The following DENND4C variants were observed in gnomAD, a reference collection of about 807,000 sequenced individuals.
The protein encoded by DENND4C is DENN domain-containing protein 4C.
DENND4C carries 108 observed loss-of-function variants against 203.0 expected under a neutral mutation model. The observed-to-expected ratio is 0.53, with a 90% CI of 0.46 to 0.62. DENND4C has a LOEUF of 0.62. Among genes scored for constraint, DENND4C ranks in the 20% least tolerant of loss-of-function variants. DENND4C has a pLI of 0.00. For missense variants in DENND4C, 2,481 were observed against 2,301.2 expected (o/e 1.08, Z -1.60); for synonymous variants, 871 against 792.4 (o/e 1.10, Z -1.67).
intron 13 of DENND4C, 128 bp from the exon 14 acceptor site, chr9:19,325,811 C>A: frequency 1.2e-6 from 1 of 824,238 alleles, no homozygotes; most frequent in Non-Finnish European, 1.9e-6. Context: ...TAAAAATATA[C>A]TGTGCATGTT....
At chr9:19,238,171 C>G (rs1822513147) in intron 1 of DENND4C, among the ~76,000 whole-genome samples, 1 of 151,280 alleles carries the variant, frequency 6.6e-6, no homozygotes, top group South Asian at 2.1e-4. Flanking sequence ...CAACCTGTGC[C>G]TCCTGGATTC....
intron 1 of DENND4C, among the ~76,000 whole-genome samples, chr9:19,257,274 T>C (rs1828219347): frequency 6.6e-6 from 1 of 150,816 alleles, no homozygotes; most frequent in African/African-American, 2.4e-5. Context: ...GAGAATCGCT[T>C]AAACCCAGGA....
chr9:19,345,742 G>A (rs1822739791), intron 22 of DENND4C, among the ~76,000 whole-genome samples, 179 bp from the exon 23 acceptor site: 1 of 152,030 alleles, frequency 6.6e-6, no homozygotes, highest in Non-Finnish European at 1.5e-5. Flanking sequence ...TCCCTGGGAG[G>A]CAAGTTTTAA....
intron 23 of DENND4C, among the ~76,000 whole-genome samples, chr9:19,348,433 G>GAAAA (rs1456914182): frequency 6.6e-6 from 1 of 152,130 alleles, no homozygotes; most frequent in Non-Finnish European, 1.5e-5. Flanking sequence ...AGGATTTGAA[G>GAAAA]GATAAATTTG....
Position 19,347,098 on chromosome 9 carries a change from T to C in DENND4C, c.4317+12T>C. Reference sequence around the variant, plus strand: ...ACTCAGATGATGAGGTAAGAAAGCTTTATGTGTGTAGTCTGTCTGCTATTG... The same window carrying C: ...ACTCAGATGATGAGGTAAGAAAGCTCTATGTGTGTAGTCTGTCTGCTATTG... On this transcript the variant is annotated intron_variant, in intron 23 of 32. Transcript: ENST00000434457. The C allele has an allele frequency of 6.2e-7, 1 of 1,606,198 alleles. No individual in the cohort carries two copies. The highest frequency in any genetic ancestry group is 8.5e-7 in the Non-Finnish European group (1 of 1,174,264).
rs932993247 is a variant in DENND4C at position 19,346,288 on chromosome 9, A to T, written c.3519A>T (p.Arg1173Ser). The T allele has an allele frequency of 6.2e-7, 1 of 1,614,202 alleles. No homozygotes were observed. Among genetic ancestry groups the T allele is most frequent in the East Asian group, 2.2e-5 (1 of 44,882 alleles). Residue 1173 changes from arginine to serine, a missense_variant, in exon 23 of 33, where the codon AGA becomes AGT. This residue lies in a region of DENND4C where 2,289 missense variants were observed against 2,113.3 expected (regional missense o/e 1.08). Transcript: ENST00000434457. ...AAAGCACTTGGAATCCTGAGCACAGATCATCTCCGGTGCCAGAGATGCTTG... is the reference window on the plus strand; with the variant it reads ...AAAGCACTTGGAATCCTGAGCACAGTTCATCTCCGGTGCCAGAGATGCTTG... Reference protein sequence around the residue: ...MSESTWNPEHRSSPVPEMLEE... With the variant: ...MSESTWNPEHSSSPVPEMLEE...
At position 19,341,086 on chromosome 9, in the gene DENND4C, G is replaced by C. The variant is rs757992078; in HGVS notation, c.2976G>C (p.Leu992Phe). The change falls in exon 21 of 33, where the codon TTG becomes TTC. Residue 992 changes from leucine to phenylalanine, a missense_variant. Coordinates refer to ENST00000434457, the MANE Select transcript of DENND4C (RefSeq NM_001330640.2). ...CTGAAGAACAGGCAGCAAGAGAATT[G>C]ATAACTAAAACAAAAATGCAAACAG... ...HVPEEQAARELITKTKMQTEE... is the reference protein window; with the variant it reads ...HVPEEQAAREFITKTKMQTEE... 1.2e-6 allele frequency: 2 copies of C among 1,611,902 alleles called. No homozygotes were observed. The highest frequency in any genetic ancestry group is 1.7e-6 in the Non-Finnish European group (2 of 1,179,186).
Position 19,286,857 on chromosome 9 carries a change from A to G in DENND4C, c.394A>G (p.Ser132Gly). 8.1e-7 allele frequency: 1 copy of G among 1,232,128 alleles called. No homozygotes were observed. Among genetic ancestry groups the G allele is most frequent in the Non-Finnish European group, 1.0e-6 (1 of 987,942 alleles). The allele number at this position is 1,232,128 out of a possible 1,614,324, so 76.3% of individuals were successfully genotyped here. A position where few individuals can be genotyped will look rare whatever the true frequency, so the allele number is the denominator to read the frequency against. The change falls in exon 3 of 33, where the codon AGT (serine) becomes GGT (glycine). Residue 132 changes from serine (S) to glycine (G), a missense_variant. Ser to Gly is a moderately conservative substitution (Grantham distance 56, BLOSUM62 0). This residue lies in a region of DENND4C where 187 missense variants were observed against 167.4 expected (regional missense o/e 1.12). Coordinates refer to ENST00000434457, the MANE Select transcript of DENND4C (RefSeq NM_001330640.2). ...PYGRCANVNN[S>G]STTSQRIFIT... Reference sequence around the variant, plus strand: ...TGGTCGCTGTGCCAATGTCAACAATAGTTCAACTACTTCACAAAGAATCTT... The same window carrying G: ...TGGTCGCTGTGCCAATGTCAACAATGGTTCAACTACTTCACAAAGAATCTT...
chr9:19,292,329 C>G (rs191913659), intron 5 of DENND4C: 1 of 151,844 alleles, frequency 6.6e-6, no homozygotes. Context: ...CCATGCCTGG[C>G]CTATCCCGCC....
intron 1 of DENND4C, among the ~76,000 whole-genome samples, chr9:19,260,236 A>G (rs1020691261): frequency 8.5e-5 from 13 of 152,172 alleles, no homozygotes; most frequent in African/African-American, 3.1e-4. Context: ...AGTGATGTAG[A>G]GCACCTTTTC....
intron 20 of DENND4C, 131 bp from the exon 21 acceptor site, chr9:19,340,861 C>G: frequency 1.4e-6 from 1 of 716,400 alleles, no homozygotes; most frequent in African/African-American, 1.9e-5. Flanking sequence ...TTCTGTGTTC[C>G]TTGTGTGCTT....
chr9:19,341,364 T>G (rs1232021411), intron 21 of DENND4C, among the ~76,000 whole-genome samples: 5 of 149,416 alleles, frequency 3.3e-5, no homozygotes, highest in African/African-American at 9.9e-5. Flanking sequence ...CCAGGCTGAG[T>G]GCAGTGGCGA....
intron 10 of DENND4C, among the ~76,000 whole-genome samples, chr9:19,314,890 A>G (rs1400928405): frequency 6.6e-6 from 1 of 152,132 alleles, no homozygotes; most frequent in Non-Finnish European, 1.5e-5. Flanking sequence ...GGCTGAGTGC[A>G]GTGGCTCATG....
In DENND4C at chr9:19,372,472, G is replaced by T. The variant is rs930104724; in HGVS notation, c.*299G>T. The T allele has an allele frequency of 4.0e-6, 1 of 250,580 alleles. No individual in the cohort carries two copies. The highest frequency in any genetic ancestry group is 7.5e-6 in the Non-Finnish European group (1 of 132,480). 15.5% of individuals were successfully genotyped at this position (250,580 alleles called of 1,614,324 possible). ...GTAGTAGTTTGATAGAAATAATGAG[G>T]AACCATATTCATTCTAGGCATTGTT... On this transcript the variant is annotated 3_prime_UTR_variant, in exon 33 of 33. Coordinates refer to ENST00000434457, the MANE Select transcript of DENND4C (RefSeq NM_001330640.2).
At chr9:19,285,865 T>C (rs1835106541) in intron 2 of DENND4C, among the ~76,000 whole-genome samples, 1 of 152,200 alleles carries the variant, frequency 6.6e-6, no homozygotes, top group South Asian at 2.1e-4. Context: ...ATCAATTGAC[T>C]GCAAATATAA....
chr9:19,276,275 C>G lies in DENND4C; in HGVS notation c.101C>G (p.Thr34Ser), dbSNP rs913458889. The stretch of plus-strand genomic sequence containing the variant: ...GATCAAGAAATAAATCGTTTAGATA[C>G]TAAGTCAACTGGACCTAAAGCTCCA... ...LLDQEINRLD[T>S]KSTGPKAPIT... is the part of the protein sequence containing the mutation. The change falls in exon 2 of 33, where the codon ACT (threonine) becomes AGT (serine). Residue 34 changes from threonine to serine, a missense_variant. Thr to Ser is a moderately conservative substitution (Grantham distance 58, BLOSUM62 1). This residue lies in a region of DENND4C where 187 missense variants were observed against 167.4 expected (regional missense o/e 1.12). Transcript: ENST00000434457. 8.1e-7 allele frequency: 1 copy of G among 1,231,870 alleles called. No homozygotes were observed. Among genetic ancestry groups the G allele is most frequent in the African/African-American group, 1.6e-5 (1 of 64,412 alleles). 76.3% of individuals were successfully genotyped at this position (1,231,870 alleles called of 1,614,324 possible).
At chr9:19,326,732 T>C (rs1220769177) in intron 15 of DENND4C, among the ~76,000 whole-genome samples, 1 of 152,064 alleles carries the variant, frequency 6.6e-6, no homozygotes, top group Admixed American at 6.6e-5. Context: ...CTCTTAACAA[T>C]TGTAGGTATG....
At chr9:19,322,731 C>CAAA (rs35416492) in intron 12 of DENND4C, among the ~76,000 whole-genome samples, 12 of 65,534 alleles carry the variant, frequency 1.8e-4, no homozygotes, top group African/African-American at 5.1e-4. Context: ...GACTTCATCT[C>CAAA]AAAAAAAAAA....
intron 30 of DENND4C, among the ~76,000 whole-genome samples, chr9:19,368,676 C>G (rs547745454): frequency 5.9e-5 from 9 of 152,148 alleles, no homozygotes; most frequent in African/African-American, 2.2e-4. Context: ...GTGGCATGCC[C>G]CTGTAGCCTC....
Sources: allele counts gnomAD v4.1 joint callset (sites outside exome capture counted in the v4.1 genomes callset), GRCh38; gene constraint gnomAD v4.1.1; regional missense constraint gnomAD v4.1.1; transcripts MANE v1.5; gene names NCBI Gene and HGNC (gene_info 2026-07-23, HGNC 2026-07-21).